The following CYP2C19 variants were observed in gnomAD, a reference collection of about 807,000 sequenced individuals.
CYP2C19 encodes the protein cytochrome P450 family 2 subfamily C member 19, also known as cytochrome P450 2C19.
CYP2C19 carries 59 observed loss-of-function variants against 40.9 expected under a neutral mutation model. That is an observed-to-expected ratio of 1.44 (90% CI 1.17 to 1.79). CYP2C19 has a LOEUF of 1.79. Ranked by LOEUF, CYP2C19 falls within the 40% of genes most tolerant of loss-of-function variation. The pLI is 0.00. For synonymous variants in CYP2C19, 253 were observed against 208.7 expected, an observed-to-expected ratio of 1.21 and a Z score of -1.83; for missense variants, 754 against 596.9, an observed-to-expected ratio of 1.26 and a Z score of -2.74.
chr10:94,790,522 C>T lies in CYP2C19; in HGVS notation c.819+8525C>T, dbSNP rs193264293. On this transcript the variant is annotated intron_variant, in intron 5 of 8. Transcript: ENST00000371321. ...CTTATTATTTTGAAATATGTTCTATCAATACCTAATTTATTGAGAGTTTTA... is the reference window on the plus strand; with the variant it reads ...CTTATTATTTTGAAATATGTTCTATTAATACCTAATTTATTGAGAGTTTTA... Among the ~76,000 whole-genome samples, 11 of 152,162 alleles carry T rather than the reference C, an allele frequency of 7.2e-5. No individual in the cohort carries two copies. The East Asian group carries it at 2.1e-3, about 29-fold the overall frequency.
At chr10:94,798,814 A>ATTTTTTTTTTTTTTTTTTTT (rs61240923) in intron 5 of CYP2C19, among the ~76,000 whole-genome samples, 26 of 67,692 alleles carry the variant, frequency 3.8e-4, no homozygotes, top group Admixed American at 6.3e-4. Flanking sequence ...GCAACCCCTG[A>ATTTTTTTTTTTTTTTTTTTT]TTTTTTTTTT....
At chr10:94,779,041 C>T (rs575595192) in intron 3 of CYP2C19, among the ~76,000 whole-genome samples, 1 of 152,158 alleles carries the variant, frequency 6.6e-6, no homozygotes, top group Admixed American at 6.5e-5. Flanking sequence ...CATGTTCTCA[C>T]TTATAAGTGG....
intron 5 of CYP2C19, among the ~76,000 whole-genome samples, chr10:94,810,580 T>G (rs1436439143): frequency 3.3e-5 from 5 of 152,182 alleles, no homozygotes; most frequent in Admixed American, 3.3e-4. Context: ...TATTGGTCTC[T>G]TCACGGATTG....
chr10:94,821,404 T>C (rs1352445531), intron 6 of CYP2C19, among the ~76,000 whole-genome samples: 2 of 152,218 alleles, frequency 1.3e-5, no homozygotes, highest in East Asian at 3.8e-4. Context: ...GAAGGATAAA[T>C]GGTAATCCTA....
intron 5 of CYP2C19, among the ~76,000 whole-genome samples, chr10:94,813,616 G>A (rs1290008753): frequency 2.0e-5 from 3 of 151,820 alleles, no homozygotes; most frequent in Non-Finnish European, 4.4e-5. Flanking sequence ...CTCAACAATG[G>A]CAGACTCCCC....
intron 6 of CYP2C19, among the ~76,000 whole-genome samples, chr10:94,822,806 G>T (rs1414414486): frequency 6.6e-6 from 1 of 152,008 alleles, no homozygotes; most frequent in African/African-American, 2.4e-5. Context: ...TTGTGATTTT[G>T]ATTTGGATTT....
intron 3 of CYP2C19, among the ~76,000 whole-genome samples, chr10:94,779,327 A>C (rs1848452251): frequency 6.6e-6 from 1 of 152,134 alleles, no homozygotes; most frequent in African/African-American, 2.4e-5. Flanking sequence ...TGATTACAAC[A>C]ACTTTATTTC....
chr10:94,802,640 T>C (rs1048229439), intron 5 of CYP2C19, among the ~76,000 whole-genome samples: 13 of 152,136 alleles, frequency 8.5e-5, no homozygotes, highest in African/African-American at 2.7e-4. Context: ...TGTTAGCCAG[T>C]TATTTTGCTT....
intron 6 of CYP2C19, among the ~76,000 whole-genome samples, chr10:94,838,259 G>A (rs911858316): frequency 9.2e-5 from 14 of 152,292 alleles, no homozygotes; most frequent in Non-Finnish European, 1.2e-4. Context: ...CTGCTGGCCT[G>A]TGGGGAATCA....
At chr10:94,830,776 G>T (rs1444069352) in intron 6 of CYP2C19, among the ~76,000 whole-genome samples, 1 of 151,696 alleles carries the variant, frequency 6.6e-6, no homozygotes, top group African/African-American at 2.4e-5. Context: ...TATATTTATG[G>T]GTACAGAGTA....
At chr10:94,784,412 G>A (rs571379660) in intron 5 of CYP2C19, among the ~76,000 whole-genome samples, 1 of 151,940 alleles carries the variant, frequency 6.6e-6, no homozygotes, top group Non-Finnish European at 1.5e-5. Flanking sequence ...GTATTCTCAG[G>A]AGTTGATTTG....
rs770736593 is a variant in CYP2C19, at chr10:94,773,118, T to C, written c.169-1940T>C. ...TAACTGGCTGACAGGTGCCCAGTAT[T>C]TAGCCCCTGAATTCTAAGGAAAAAT... On this transcript the variant is annotated intron_variant, in intron 1 of 8. Coordinates refer to ENST00000371321, the MANE Select transcript of CYP2C19 (RefSeq NM_000769.4). 3.0e-4 allele frequency among the ~76,000 whole-genome samples: 46 copies of C among 152,260 alleles called. 1 individual carries two copies. In the South Asian group the frequency reaches 3.7e-3, roughly 12 times the overall value.
chr10:94,769,692 C>G (rs1848300302), intron 1 of CYP2C19, among the ~76,000 whole-genome samples: 1 of 152,096 alleles, frequency 6.6e-6, no homozygotes, highest in Non-Finnish European at 1.5e-5. Flanking sequence ...ATCCTGTAAT[C>G]CTTCATGAGC....
chr10:94,837,856 C>T lies in CYP2C19; in HGVS notation c.962-4981C>T, dbSNP rs545910651. Among the ~76,000 whole-genome samples the T allele has an allele frequency of 2.6e-3, 390 of 152,340 alleles. 2 individuals carry two copies. Among genetic ancestry groups the T allele is most frequent in the African/African-American group, 9.0e-3 (375 of 41,586 alleles). On this transcript the variant is annotated intron_variant, in intron 6 of 8. Transcript: ENST00000371321. ...GGCTTCTGACTCAGAGGACCTTCAT[C>T]CCCTGGGGCAGTGGCCCTTCCAGTG...
intron 5 of CYP2C19, among the ~76,000 whole-genome samples, chr10:94,787,805 G>T (rs932682722): frequency 4.6e-5 from 7 of 151,936 alleles, no homozygotes; most frequent in Admixed American, 4.6e-4. Context: ...ATGGCTATAG[G>T]TGTGTGGCTT....
chr10:94,800,677 G>A (rs922691595), intron 5 of CYP2C19, among the ~76,000 whole-genome samples: 1 of 152,204 alleles, frequency 6.6e-6, no homozygotes, highest in Non-Finnish European at 1.5e-5. Flanking sequence ...GCTCCACCCA[G>A]TTCAAGCTTC....
Position 94,838,107 on chromosome 10 carries a change from GT to G in CYP2C19, c.962-4729del, listed in dbSNP as rs536587308. 1.2e-3 allele frequency among the ~76,000 whole-genome samples: 179 copies of G among 152,232 alleles called. 1 individual carries two copies. Among genetic ancestry groups the G allele is most frequent in the Non-Finnish European group, 2.1e-3 (142 of 68,006 alleles). On this transcript the variant is annotated intron_variant, in intron 6 of 8. Coordinates refer to ENST00000371321, the MANE Select transcript of CYP2C19 (RefSeq NM_000769.4). ...GCAGTAGGATTTTCTTCCTTTCCCTGTGTTATAGTGGACATCATTGAATAAT... is the reference window on the plus strand; with the variant it reads ...GCAGTAGGATTTTCTTCCTTTCCCTGGTTATAGTGGACATCATTGAATAAT...
At chr10:94,796,807 T>C (rs1040318737) in intron 5 of CYP2C19, among the ~76,000 whole-genome samples, 5 of 152,164 alleles carry the variant, frequency 3.3e-5, no homozygotes, top group East Asian at 1.9e-4. Flanking sequence ...GTTATTGGTG[T>C]ATAAGAATGC....
In CYP2C19 at chr10:94,854,423, T is replaced by C. The variant is rs566923364; in HGVS notation, c.*1509T>C. 6.6e-6 allele frequency among the ~76,000 whole-genome samples: 1 copy of C among 152,244 alleles called. No homozygotes were observed. Among genetic ancestry groups the C allele is most frequent in the Non-Finnish European group, 1.5e-5 (1 of 68,008 alleles). On this transcript the variant is annotated 3_prime_UTR_variant, in exon 9 of 9. Transcript: ENST00000371321. ...GGATGATAATTTTATGCTATTGTCC[T>C]AATATAATTAGCCTCATGTCATCTC... is the stretch of plus-strand genomic sequence containing the variant.
Sources: allele counts gnomAD v4.1 joint callset (sites outside exome capture counted in the v4.1 genomes callset), GRCh38; gene constraint gnomAD v4.1.1; transcripts MANE v1.5; gene names NCBI Gene and HGNC (gene_info 2026-07-23, HGNC 2026-07-21).